Variants in TMCC1 observed in about 807,000 individuals in gnomAD.
TMCC1 encodes the protein transmembrane and coiled-coil domain family 1, also known as transmembrane and coiled-coil domains protein 1.
In TMCC1, 15 loss-of-function variants were observed where a neutral mutation model predicts 52.4. The ratio of observed to expected loss-of-function variants is 0.29; its 90% CI spans 0.19 to 0.44. The LOEUF (loss-of-function observed/expected upper bound fraction) is 0.44. Among genes scored for constraint, TMCC1 ranks in the 20% least tolerant of loss-of-function variants. TMCC1 has a pLI of 1.00. For synonymous variants in TMCC1, 279 were observed against 301.9 expected (o/e 0.92, Z 0.79); for missense variants, 503 against 806.0 (o/e 0.62, Z 4.55).
intron 4 of TMCC1, among the ~76,000 whole-genome samples, chr3:129,767,325 C>T (rs2054209174): frequency 6.7e-6 from 1 of 149,374 alleles, no homozygotes; most frequent in Non-Finnish European, 1.5e-5. Context: ...GTATACAATT[C>T]AACAACTTTC....
rs557571836 is a variant in TMCC1 at position 129,740,124 on chromosome 3, G to A, written c.577-68860C>T. The stretch of plus-strand genomic sequence containing the variant: ...TCAGGTCTTTGCAATCTCTGAAGAC[G>A]TCCTAGTCTGCACGTGTTTCAGACT... On this transcript the variant is annotated intron_variant, in intron 4 of 6. Transcript: ENST00000393238. Among the ~76,000 whole-genome samples, 67 of 152,320 alleles carry A rather than the reference G, an allele frequency of 4.4e-4. 1 individual carries two copies. Among genetic ancestry groups the A allele is most frequent in the African/African-American group, 1.6e-3 (65 of 41,572 alleles).
intron 4 of TMCC1, among the ~76,000 whole-genome samples, chr3:129,714,863 A>C (rs1380295435): frequency 6.6e-6 from 1 of 152,218 alleles, no homozygotes; most frequent in Non-Finnish European, 1.5e-5. Context: ...TTAGACTTCA[A>C]ACAACCAGTT....
intron 4 of TMCC1, among the ~76,000 whole-genome samples, chr3:129,813,656 G>A (rs2057946497): frequency 6.6e-6 from 1 of 152,082 alleles, no homozygotes; most frequent in Non-Finnish European, 1.5e-5. Context: ...GGTGGAGAGT[G>A]GGAGGAGGGT....
chr3:129,797,540 G>A (rs914813523), intron 4 of TMCC1, among the ~76,000 whole-genome samples: 1 of 152,016 alleles, frequency 6.6e-6, no homozygotes, highest in Admixed American at 6.6e-5. Flanking sequence ...TCAGAAATTC[G>A]AGAGTAGCCT....
In TMCC1 at chr3:129,856,862, T is replaced by C. The variant is rs1233127650; in HGVS notation, c.-184+23447A>G. Among the ~76,000 whole-genome samples the C allele has an allele frequency of 5.9e-5, 9 of 152,148 alleles. No homozygotes were observed. In the East Asian group the frequency reaches 1.4e-3, roughly 23 times the overall value. On this transcript the variant is annotated intron_variant, in intron 2 of 6. Transcript: ENST00000393238. ...TGTGCCTAACCCCTATTAACCTCAA[T>C]AGGGATGGCACCAGGTTCAAGAGGC...
intron 5 of TMCC1, among the ~76,000 whole-genome samples, chr3:129,669,883 T>C (rs976867067): frequency 6.6e-6 from 1 of 152,206 alleles, no homozygotes; most frequent in African/African-American, 2.4e-5. Context: ...ATAATAAAGG[T>C]AACATTCTTA....
At chr3:129,816,851 C>T (rs930299122) in intron 4 of TMCC1, among the ~76,000 whole-genome samples, 4 of 151,280 alleles carry the variant, frequency 2.6e-5, no homozygotes, top group African/African-American at 9.7e-5. Context: ...TATCAAGACC[C>T]CATTTCTAGA....
At chr3:129,831,804 A>G (rs1426546044) in intron 3 of TMCC1, among the ~76,000 whole-genome samples, 3 of 152,210 alleles carry the variant, frequency 2.0e-5, no homozygotes, top group Non-Finnish European at 4.4e-5. Context: ...TGTCTTACAG[A>G]GGCTCAAATG....
At chr3:129,849,357 G>A (rs1384639498) in intron 2 of TMCC1, among the ~76,000 whole-genome samples, 1 of 152,016 alleles carries the variant, frequency 6.6e-6, no homozygotes, top group Non-Finnish European at 1.5e-5. Flanking sequence ...CTACTTGGGA[G>A]GCTGAGGCAT....
intron 5 of TMCC1, among the ~76,000 whole-genome samples, chr3:129,661,193 A>G (rs2086998246): frequency 6.6e-6 from 1 of 152,246 alleles, no homozygotes; most frequent in Admixed American, 6.5e-5. Flanking sequence ...GGTAAGTAGA[A>G]TGATCTCAGC....
At chr3:129,822,437 C>A (rs1020367611) in intron 4 of TMCC1, among the ~76,000 whole-genome samples, 1 of 152,232 alleles carries the variant, frequency 6.6e-6, no homozygotes, top group East Asian at 1.9e-4. Flanking sequence ...AAGACCCCAA[C>A]CCCATCTCAA....
intron 2 of TMCC1, among the ~76,000 whole-genome samples, chr3:129,860,429 GA>G (rs778958628): frequency 6.6e-6 from 1 of 151,890 alleles, no homozygotes; most frequent in Non-Finnish European, 1.5e-5. Flanking sequence ...GCGGTGGGGG[GA>G]AACGGGTAAT....
chr3:129,754,861 T>C (rs1177097349), intron 4 of TMCC1, among the ~76,000 whole-genome samples: 1 of 152,178 alleles, frequency 6.6e-6, no homozygotes, highest in Non-Finnish European at 1.5e-5. Context: ...GTGGATCACC[T>C]GAGGTCAGGA....
chr3:129,826,878 T>C (rs186980562), intron 4 of TMCC1, among the ~76,000 whole-genome samples: 3 of 152,236 alleles, frequency 2.0e-5, no homozygotes, highest in Admixed American at 2.0e-4. Context: ...TGAAAGATAG[T>C]TGAATGGTAA....
At chr3:129,730,067 G>A (rs958648426) in intron 4 of TMCC1, among the ~76,000 whole-genome samples, 21 of 152,102 alleles carry the variant, frequency 1.4e-4, no homozygotes, top group African/African-American at 4.1e-4. Context: ...ACAGGTACTC[G>A]AAATATGGTT....
chr3:129,688,120 A>G, intron 4 of TMCC1: 1 of 947,638 alleles, frequency 1.1e-6, no homozygotes, highest in African/African-American at 1.8e-5. Context: ...GCAATTCCAT[A>G]CAGCTGATAT....
chr3:129,732,556 C>T (rs1044418355), intron 4 of TMCC1, among the ~76,000 whole-genome samples: 9 of 152,124 alleles, frequency 5.9e-5, no homozygotes, highest in Non-Finnish European at 1.2e-4. Flanking sequence ...TCTCCCAGTA[C>T]TTTCTAGGTC....
intron 4 of TMCC1, among the ~76,000 whole-genome samples, chr3:129,822,936 A>T (rs1024915703): frequency 3.9e-5 from 6 of 152,224 alleles, no homozygotes; most frequent in African/African-American, 1.2e-4. Flanking sequence ...TAGCTTCCTC[A>T]TTATTACAGT....
Position 129,793,166 on chromosome 3 carries a change from A to AACAC in TMCC1, c.576+34633_576+34636dup, listed in dbSNP as rs149082077. 1.0e-3 allele frequency among the ~76,000 whole-genome samples: 152 copies of AACAC among 148,522 alleles called. 1 individual carries two copies. In the East Asian group the frequency reaches 0.017, roughly 17 times the overall value. On this transcript the variant is annotated intron_variant, in intron 4 of 6. Coordinates refer to ENST00000393238, the MANE Select transcript of TMCC1 (RefSeq NM_001017395.5). ...TGTAAGAGAAATGTGGAGGCCTTCA[A>AACAC]ACACACACACACACACACACACACC...
Sources: gnomAD v4.1 joint callset for allele counts (sites outside exome capture counted in the v4.1 genomes callset) on GRCh38, gnomAD v4.1.1 for gene constraint, MANE v1.5 for transcripts, NCBI Gene and HGNC (gene_info 2026-07-23, HGNC 2026-07-21) for gene names.